The following NRXN1 variants were observed in gnomAD, a reference collection of about 807,000 sequenced individuals.
The protein encoded by NRXN1 is neurexin 1, also known as neurexin-1.
NRXN1 carries 39 observed loss-of-function variants against 150.9 expected under a neutral mutation model. The observed-to-expected ratio is 0.26, with a 90% confidence interval of 0.20 to 0.34. The LOEUF (loss-of-function observed/expected upper bound fraction) is 0.34. NRXN1 is among the 10% of genes least tolerant of loss of function. The pLI is 1.00. For missense variants in NRXN1, 1,815 were observed against 1,949.9 expected (o/e 0.93, Z 1.30); for synonymous variants, 924 against 757.0 (o/e 1.22, Z -3.62).
chr2:50,347,510 G>C lies in NRXN1; in HGVS notation c.3365-110540C>G. The C allele has an allele frequency of 2.8e-6, 3 of 1,052,684 alleles. No individual in the cohort carries two copies. The highest frequency in any genetic ancestry group is 2.7e-5 in the South Asian group (1 of 36,858). 65.2% of individuals were successfully genotyped at this position (1,052,684 alleles called of 1,614,324 possible). Reference sequence around the variant, plus strand: ...GCGCCCCTTCCCTCCATTCAGCCCCGGCCGGCTCGCCCGCTAGCGCCAGCC... The same window carrying C: ...GCGCCCCTTCCCTCCATTCAGCCCCCGCCGGCTCGCCCGCTAGCGCCAGCC... On this transcript the variant is annotated intron_variant, in intron 17 of 22. Coordinates refer to ENST00000401669, the MANE Select transcript of NRXN1 (RefSeq NM_001330078.2). This position sits in a 1 kb window ranked among gnomAD's most constrained non-coding sequence, Gnocchi z 4.9.
At chr2:50,721,602 A>AT (rs1418152344) in intron 5 of NRXN1, among the ~76,000 whole-genome samples, 2 of 152,180 alleles carry the variant, frequency 1.3e-5, no homozygotes, top group Admixed American at 6.6e-5. Context: ...CCAGTCACTA[A>AT]TTTTTTAAAG....
At chr2:50,254,369 T>C (rs551241891) in intron 17 of NRXN1, among the ~76,000 whole-genome samples, 1 of 151,876 alleles carries the variant, frequency 6.6e-6, no homozygotes, top group Non-Finnish European at 1.5e-5. Context: ...GACCAGCTCC[T>C]GGATTCATTG....
intron 18 of NRXN1, among the ~76,000 whole-genome samples, chr2:50,159,739 A>C (rs1364702888): frequency 3.9e-5 from 6 of 152,182 alleles, no homozygotes; most frequent in Non-Finnish European, 7.3e-5. Flanking sequence ...CAAAAGAGGC[A>C]AAGAAATAGG....
At chr2:50,305,604 C>A (rs1264366956) in intron 17 of NRXN1, among the ~76,000 whole-genome samples, 1 of 152,150 alleles carries the variant, frequency 6.6e-6, no homozygotes, top group Non-Finnish European at 1.5e-5. Context: ...ATATCCAATG[C>A]CCCAAATCTC....
chr2:50,142,481 T>A (rs978593092), intron 18 of NRXN1, among the ~76,000 whole-genome samples: 8 of 151,828 alleles, frequency 5.3e-5, no homozygotes, highest in Non-Finnish European at 1.0e-4. Flanking sequence ...TCCCAACACA[T>A]AAAAATGATA....
intron 17 of NRXN1, among the ~76,000 whole-genome samples, chr2:50,244,573 C>A (rs1308487458): frequency 1.3e-5 from 2 of 151,752 alleles, no homozygotes; most frequent in Admixed American, 6.6e-5. Flanking sequence ...GTGAAAGGAG[C>A]TAAGAATATA....
intron 5 of NRXN1, among the ~76,000 whole-genome samples, chr2:50,810,618 G>C (rs1668082855): frequency 6.6e-6 from 1 of 152,056 alleles, no homozygotes; most frequent in African/African-American, 2.4e-5. Context: ...CCCTCTAAAA[G>C]CAATTTTACC....
rs867459471 is a variant in NRXN1 at position 50,649,584 on chromosome 2, T to G, written c.833-25969A>C. The stretch of plus-strand genomic sequence containing the variant: ...CTTCTTATTGTCTGTTACCCCCTCT[T>G]TGCTTGAGGGTGGATGTCTGTTTCT... On this transcript the variant is annotated intron_variant, in intron 5 of 22. Transcript: ENST00000401669. Among the ~76,000 whole-genome samples, 9 of 151,964 alleles carry G rather than the reference T, an allele frequency of 5.9e-5. 1 individual carries two copies. The Middle Eastern group carries it at 9.5e-3, about 160-fold the overall frequency.
In NRXN1 at chr2:50,346,731, A is replaced by C. The variant is rs762673267; in HGVS notation, c.3365-109761T>G. On this transcript the variant is annotated intron_variant, in intron 17 of 22. Coordinates refer to ENST00000401669, the MANE Select transcript of NRXN1 (RefSeq NM_001330078.2). This position sits in a 1 kb window ranked among gnomAD's most constrained non-coding sequence, Gnocchi z 5.0. Reference sequence around the variant, plus strand: ...AGGATGCCGGTGACCTGTAGATTGCAATAGGCACTGAATGATGCTTGCTGC... The same window carrying C: ...AGGATGCCGGTGACCTGTAGATTGCCATAGGCACTGAATGATGCTTGCTGC... 10 of 1,613,928 alleles carry C rather than the reference A, an allele frequency of 6.2e-6. No homozygotes were observed. The highest frequency in any genetic ancestry group is 2.2e-5 in the South Asian group (2 of 91,090).
At chr2:51,007,166 T>G (rs548031006) in intron 2 of NRXN1, among the ~76,000 whole-genome samples, 1 of 152,006 alleles carries the variant, frequency 6.6e-6, no homozygotes, top group Middle Eastern at 3.2e-3. Flanking sequence ...AAATTCTATT[T>G]TGTAACAAAT....
At chr2:50,278,871 GACAA>G (rs1224250371) in intron 17 of NRXN1, among the ~76,000 whole-genome samples, 7 of 152,058 alleles carry the variant, frequency 4.6e-5, no homozygotes, top group Admixed American at 4.6e-4. Flanking sequence ...TCACTGGCCT[GACAA>G]ACCATTAAAA....
At chr2:50,928,278 T>C (rs758008905) in intron 2 of NRXN1, among the ~76,000 whole-genome samples, 6 of 151,830 alleles carry the variant, frequency 4.0e-5, no homozygotes, top group African/African-American at 1.2e-4. Flanking sequence ...AAAAAAAAGA[T>C]GGTGATGATG....
chr2:50,623,466 C>A lies in NRXN1; in HGVS notation c.982G>T (p.Ala328Ser), dbSNP rs1395755013. 1 of 1,613,300 alleles carries A rather than the reference C, an allele frequency of 6.2e-7. No individual in the cohort carries two copies. Among genetic ancestry groups the A allele is most frequent in the East Asian group, 2.2e-5 (1 of 44,872 alleles). Residue 328 changes from alanine (A) to serine (S), a missense_variant, in exon 6 of 23, where the codon GCT (alanine) becomes TCT (serine). This residue lies in a region of NRXN1 where 554 missense variants were observed against 478.8 expected (regional missense o/e 1.16). Coordinates refer to ENST00000401669, the MANE Select transcript of NRXN1 (RefSeq NM_001330078.2). Reference sequence around the variant, plus strand: ...TTCAGGGCAAGATTGACATAATCAGCCGATTTCCCAGTGTGAAGCATCAGT... The same window carrying A: ...TTCAGGGCAAGATTGACATAATCAGACGATTTCCCAGTGTGAAGCATCAGT... ...NGLMLHTGKS[A>S]DYVNLALKNG... is the part of the protein sequence containing the mutation.
At chr2:50,093,319 C>G (rs1171282767) in intron 18 of NRXN1, among the ~76,000 whole-genome samples, 1 of 151,936 alleles carries the variant, frequency 6.6e-6, no homozygotes, top group Non-Finnish European at 1.5e-5. Flanking sequence ...GTCTCTGCAG[C>G]TATTAAAATT....
intron 18 of NRXN1, among the ~76,000 whole-genome samples, chr2:50,104,349 T>C (rs1701362786): frequency 6.6e-6 from 1 of 152,040 alleles, no homozygotes; most frequent in East Asian, 1.9e-4. Flanking sequence ...ACACTTCCCC[T>C]GCCAAACATG....
At chr2:50,849,779 A>G (rs555400461) in intron 5 of NRXN1, among the ~76,000 whole-genome samples, 2 of 152,282 alleles carry the variant, frequency 1.3e-5, no homozygotes, top group South Asian at 4.1e-4. Context: ...AACTATTTTA[A>G]TTGAATAATG....
At chr2:50,689,917 G>A (rs1394397679) in intron 5 of NRXN1, among the ~76,000 whole-genome samples, 1 of 134,528 alleles carries the variant, frequency 7.4e-6, no homozygotes, top group Non-Finnish European at 1.6e-5. Context: ...ACGGAGTCTC[G>A]CTCTTGTCAC....
chr2:50,482,817 C>T (rs893048632), intron 15 of NRXN1, among the ~76,000 whole-genome samples: 16 of 152,060 alleles, frequency 1.1e-4, no homozygotes, highest in African/African-American at 3.9e-4. Context: ...ATCTGGCCAA[C>T]AGGCGCGGTG....
chr2:49,926,985 T>A (rs189538472), intron 22 of NRXN1, among the ~76,000 whole-genome samples: 4 of 152,194 alleles, frequency 2.6e-5, no homozygotes, highest in Non-Finnish European at 4.4e-5. Context: ...CTTTATTGCC[T>A]CTGTGCCTTG....
Sources: allele counts gnomAD v4.1 joint callset (sites outside exome capture counted in the v4.1 genomes callset), GRCh38; gene constraint gnomAD v4.1.1; regional missense constraint gnomAD v4.1.1; non-coding constraint Gnocchi (gnomAD v3.1); transcripts MANE v1.5; gene names NCBI Gene and HGNC (gene_info 2026-07-23, HGNC 2026-07-21).